The following GABRB1 variants were observed in gnomAD, a reference collection of about 807,000 sequenced individuals.
GABRB1 encodes the protein gamma-aminobutyric acid receptor subunit beta-1.
In GABRB1, 17 loss-of-function variants were observed where a neutral mutation model predicts 51.6. That is an observed-to-expected ratio of 0.33 (90% CI 0.23 to 0.49). GABRB1 has a LOEUF of 0.49. Among genes scored for constraint, GABRB1 ranks in the 20% least tolerant of loss-of-function variants. The pLI, the probability that GABRB1 is intolerant of heterozygous loss-of-function variation, is 0.99. For synonymous variants in GABRB1, 247 were observed against 218.9 expected (o/e 1.13, Z -1.14); for missense variants, 410 against 600.6 (o/e 0.68, Z 3.32).
At chr4:47,263,722 A>G (rs534791165) in intron 4 of GABRB1, among the ~76,000 whole-genome samples, 1 of 152,342 alleles carries the variant, frequency 6.6e-6, no homozygotes, top group East Asian at 1.9e-4. Context: ...TTTGTAGGTT[A>G]GAAGTCTATA....
Position 47,241,661 on chromosome 4 carries a change from C to G in GABRB1, c.462-78466C>G, listed in dbSNP as rs184793779. On this transcript the variant is annotated intron_variant, in intron 4 of 8. Transcript: ENST00000295454. ...CCCCATAGGGAAAGCAGAGGTAATGCTCAGGGATTCCTGAACCTTACCTCC... is the reference window on the plus strand; with the variant it reads ...CCCCATAGGGAAAGCAGAGGTAATGGTCAGGGATTCCTGAACCTTACCTCC... 3.3e-5 allele frequency among the ~76,000 whole-genome samples: 5 copies of G among 152,286 alleles called. No individual in the cohort carries two copies. In the East Asian group the frequency reaches 9.7e-4, roughly 29 times the overall value.
intron 4 of GABRB1, among the ~76,000 whole-genome samples, chr4:47,244,153 TG>T (rs1721650232): frequency 6.6e-6 from 1 of 152,236 alleles, no homozygotes; most frequent in African/African-American, 2.4e-5. Context: ...ATGTGGTTTT[TG>T]TCTTTGGTTC....
intron 3 of GABRB1, among the ~76,000 whole-genome samples, chr4:47,111,804 G>A (rs976462136): frequency 6.6e-6 from 1 of 152,076 alleles, no homozygotes; most frequent in Non-Finnish European, 1.5e-5. Context: ...GATCGAGGCT[G>A]AAGTGAGCTG....
At chr4:47,264,275 T>TTCTAGCCTTTGA (rs1423889974) in intron 4 of GABRB1, among the ~76,000 whole-genome samples, 1 of 152,206 alleles carries the variant, frequency 6.6e-6, no homozygotes, top group Admixed American at 6.5e-5. Context: ...ACCCAGCAAC[T>TTCTAGCCTTTGA]ATCCTTCCCC....
intron 3 of GABRB1, among the ~76,000 whole-genome samples, chr4:47,160,946 C>A (rs1484372414): frequency 6.6e-6 from 1 of 151,804 alleles, no homozygotes; most frequent in Non-Finnish European, 1.5e-5. Context: ...ACCACCACAC[C>A]AAACTAACTT....
At chr4:47,053,507 T>A (rs888011618) in intron 3 of GABRB1, among the ~76,000 whole-genome samples, 6 of 152,188 alleles carry the variant, frequency 3.9e-5, no homozygotes, top group Admixed American at 6.5e-5. Flanking sequence ...GCTTATAATC[T>A]CCCCAAATCC....
chr4:47,371,683 G>A (rs534494130), intron 5 of GABRB1, among the ~76,000 whole-genome samples: 1 of 152,166 alleles, frequency 6.6e-6, no homozygotes, highest in Non-Finnish European at 1.5e-5. Flanking sequence ...TTTCTCTAAT[G>A]ATCCGTGATG....
At chr4:47,031,403 C>T (rs1185176356), upstream of GABRB1, 10 of 544,950 alleles carry the variant, frequency 1.8e-5, no homozygotes, top group East Asian at 3.1e-4. Context: ...GTAGGATCCC[C>T]TGCGTGGAAA....
intron 5 of GABRB1, among the ~76,000 whole-genome samples, chr4:47,322,628 A>G (rs1428272336): frequency 1.3e-5 from 2 of 152,192 alleles, no homozygotes; most frequent in Non-Finnish European, 2.9e-5. Flanking sequence ...TCTTCTCTTC[A>G]TCATGGAATC....
At position 47,012,567 on chromosome 4, in the gene GABRB1, G is replaced by T. The variant is rs1724614831; in HGVS notation, c.-20+18641G>T. Among the ~76,000 whole-genome samples the T allele has an allele frequency of 3.9e-5, 6 of 152,124 alleles. No individual in the cohort carries two copies. The South Asian group carries it at 1.2e-3, about 32-fold the overall frequency. ...TTGAGATTACCTATGTTTAAACATT[G>T]TCATGGTAATCAACCCTAGCCTCTA... On this transcript the variant is annotated intron_variant, in intron 1 of 3. Coordinates refer to the GABRB1 transcript ENST00000513567.
At chr4:47,050,451 A>T (rs1052576251) in intron 3 of GABRB1, among the ~76,000 whole-genome samples, 2 of 151,864 alleles carry the variant, frequency 1.3e-5, no homozygotes, top group African/African-American at 4.8e-5. Flanking sequence ...ACATACATAT[A>T]TTTTTTTTAA....
At chr4:47,109,415 T>C (rs1466460562) in intron 3 of GABRB1, among the ~76,000 whole-genome samples, 4 of 152,146 alleles carry the variant, frequency 2.6e-5, no homozygotes, top group African/African-American at 4.8e-5. Flanking sequence ...TTGCCATTCA[T>C]ATACTCACAA....
chr4:47,026,618 T>C (rs1189442491), upstream of GABRB1, among the ~76,000 whole-genome samples: 3 of 152,042 alleles, frequency 2.0e-5, no homozygotes, highest in Non-Finnish European at 2.9e-5. Context: ...AGGGACCAAC[T>C]AGAGGGCACA....
intron 3 of GABRB1, among the ~76,000 whole-genome samples, chr4:47,063,241 C>T (rs1028047301): frequency 1.1e-4 from 16 of 151,926 alleles, no homozygotes; most frequent in African/African-American, 3.6e-4. Context: ...CTAACAAGGG[C>T]CATGAACTTG....
intron 3 of GABRB1, among the ~76,000 whole-genome samples, chr4:47,161,040 G>A (rs1197269698): frequency 1.3e-5 from 2 of 151,952 alleles, no homozygotes; most frequent in Admixed American, 6.6e-5. Context: ...GGATTCTCCT[G>A]CCTTGGCCTC....
intron 8 of GABRB1, among the ~76,000 whole-genome samples, chr4:47,420,792 A>G (rs1315138931): frequency 2.6e-5 from 4 of 152,182 alleles, no homozygotes; most frequent in African/African-American, 9.7e-5. Context: ...CTCCAAGGGG[A>G]ATGGGTTACA....
chr4:47,298,876 G>T lies in GABRB1; in HGVS notation c.462-21251G>T, dbSNP rs897600155. 2.5e-3 allele frequency among the ~76,000 whole-genome samples: 381 copies of T among 151,992 alleles called. 4 individuals carry two copies. Among genetic ancestry groups the T allele is most frequent in the Non-Finnish European group, 2.8e-3 (191 of 67,946 alleles). On this transcript the variant is annotated intron_variant, in intron 4 of 8. Coordinates refer to ENST00000295454, the MANE Select transcript of GABRB1 (RefSeq NM_000812.4). ...ACAGTAACCAAAACAGCATGGTACT[G>T]GTACCAAAACAGAGATATAGACCAA... is the stretch of plus-strand genomic sequence containing the variant.
intron 4 of GABRB1, among the ~76,000 whole-genome samples, chr4:47,234,524 C>T (rs1721254772): frequency 6.6e-6 from 1 of 151,906 alleles, no homozygotes; most frequent in Non-Finnish European, 1.5e-5. Context: ...CTCAGCTTCC[C>T]CAAGTTAAAA....
rs781659992 is a variant in GABRB1 at position 47,396,815 on chromosome 4, C to T, written c.545-6503C>T. ...CAACATGAGAGTAGCTGCATCCCCA[C>T]GTGCTCAGCAAAATATGTTATCACT... On this transcript the variant is annotated intron_variant, in intron 5 of 8. Transcript: ENST00000295454. Among the ~76,000 whole-genome samples the T allele has an allele frequency of 2.2e-4, 33 of 152,294 alleles. No homozygotes were observed. In the Middle Eastern group the frequency reaches 0.014, roughly 63 times the overall value.
Sources: allele counts gnomAD v4.1 joint callset (sites outside exome capture counted in the v4.1 genomes callset), GRCh38; gene constraint gnomAD v4.1.1; transcripts MANE v1.5; gene names NCBI Gene and HGNC (gene_info 2026-07-23, HGNC 2026-07-21).